FOXK1: variants seen among roughly 807,000 people sequenced by gnomAD.
The protein encoded by FOXK1 is forkhead box protein K1.
Under a neutral mutation model 51.9 loss-of-function variants are expected in FOXK1, and 19 were observed. That is an observed-to-expected ratio of 0.37 (90% CI 0.26 to 0.54). The LOEUF is 0.54. FOXK1 is among the 20% of genes least tolerant of loss of function. FOXK1 has a pLI of 0.87. For missense variants in FOXK1, 870 were observed against 1,032.7 expected (o/e 0.84, Z 2.16); for synonymous variants, 537 against 482.6 (o/e 1.11, Z -1.48).
At chr7:4,688,860 C>A (rs550436586) in intron 1 of FOXK1, among the ~76,000 whole-genome samples, 1 of 152,206 alleles carries the variant, frequency 6.6e-6, no homozygotes, top group South Asian at 2.1e-4. Flanking sequence ...TTTGCCAGAA[C>A]TGCCTTCTAG....
rs909328209 is a variant in FOXK1 at position 4,766,558 on chromosome 7, C to T, written c.*4094C>T. The T allele has an allele frequency of 1.3e-5, 2 of 152,266 alleles. No individual in the cohort carries two copies. The highest frequency in any genetic ancestry group is 4.8e-5 in the African/African-American group (2 of 41,472). 9.4% of individuals were successfully genotyped at this position (152,266 alleles called of 1,614,324 possible). A position where few individuals can be genotyped will look rare whatever the true frequency, so the allele number is the denominator to read the frequency against. The stretch of plus-strand genomic sequence containing the variant: ...AAGTGAAAAAGCTGGGAATGAATTT[C>T]TGAGTTGCTGAGTGTTCCCTGCTCC... On this transcript the variant is annotated 3_prime_UTR_variant, in exon 9 of 9. Transcript: ENST00000328914. The surrounding 1 kb of genome is among the most constrained non-coding windows in gnomAD (Gnocchi z 5.5).
In FOXK1 at chr7:4,732,155, G is replaced by A. The variant is rs992599907; in HGVS notation, c.561-8683G>A. On this transcript the variant is annotated intron_variant, in intron 1 of 8. Coordinates refer to ENST00000328914, the MANE Select transcript of FOXK1 (RefSeq NM_001037165.2). ...ATTCCCCCACGCCTCAGTATTTAGC[G>A]AGGGCTCCTTATGTGTGACACGCCC... Among the ~76,000 whole-genome samples, 5 of 152,216 alleles carry A rather than the reference G, an allele frequency of 3.3e-5. No individual in the cohort carries two copies. In the South Asian group the frequency reaches 8.3e-4, roughly 25 times the overall value.
chr7:4,724,418 A>G (rs1327225879), intron 1 of FOXK1, among the ~76,000 whole-genome samples: 1 of 149,650 alleles, frequency 6.7e-6, no homozygotes, highest in East Asian at 2.0e-4. Flanking sequence ...GTGGTCTCGA[A>G]CTCCTGTTCT....
In FOXK1 at chr7:4,755,257, C is replaced by T. The variant is rs761397266; in HGVS notation, c.924C>T (p.Phe308=). 3.1e-6 allele frequency: 5 copies of T among 1,614,000 alleles called. No homozygotes were observed. The highest frequency in any genetic ancestry group is 2.5e-6 in the Non-Finnish European group (3 of 1,180,030). ...DSPKDESKPP[F]SYAQLIVQAI... is the part of the protein sequence containing the mutation. ...CGCAGGATGAGTCAAAGCCGCCGTT[C>T]TCCTACGCGCAGCTGATCGTGCAGG... Residue 308 remains phenylalanine, a synonymous_variant, in exon 4 of 9, where the codon TTC becomes TTT. Coordinates refer to ENST00000328914, the MANE Select transcript of FOXK1 (RefSeq NM_001037165.2). This position sits in a 1 kb window ranked among gnomAD's most constrained non-coding sequence, Gnocchi z 6.6.
At chr7:4,750,537 G>C (rs1320641225) in intron 2 of FOXK1, among the ~76,000 whole-genome samples, 2 of 151,686 alleles carry the variant, frequency 1.3e-5, no homozygotes, top group Non-Finnish European at 2.9e-5. Flanking sequence ...CCGCCTCCCA[G>C]GTTCACGCCA....
In FOXK1 at chr7:4,682,377, A is replaced by T. The variant is rs112998729; in HGVS notation, c.69A>T (p.Pro23=). ...CGCTGCGCTCGGCGCCCTGCAGCCC[A>T]GTGCTGTGCGCCGCAGCCGCCGCCG... The part of the protein sequence containing the change: ...LLALRSAPCS[P]VLCAAAAAAA... The change falls in exon 1 of 9, where the codon CCA becomes CCT. Residue 23 remains proline (P), a synonymous_variant. Coordinates refer to ENST00000328914, the MANE Select transcript of FOXK1 (RefSeq NM_001037165.2). This position sits in a 1 kb window ranked among gnomAD's most constrained non-coding sequence, Gnocchi z 7.6. The T allele has an allele frequency of 1.0e-6, 1 of 982,652 alleles. No homozygotes were observed. The highest frequency in any genetic ancestry group is 1.1e-4 in the East Asian group (1 of 8,758). The allele number at this position is 982,652 out of a possible 1,614,324, so 60.9% of individuals were successfully genotyped here.
intron 1 of FOXK1, among the ~76,000 whole-genome samples, chr7:4,693,633 G>A (rs1425006497): frequency 2.6e-5 from 4 of 152,122 alleles, no homozygotes. Context: ...ACGGATATGG[G>A]TGTCCCCTCC....
rs1469442054 is a variant in FOXK1, at chr7:4,729,346, G to A, written c.561-11492G>A. Among the ~76,000 whole-genome samples, 4 of 152,182 alleles carry A rather than the reference G, an allele frequency of 2.6e-5. No homozygotes were observed. The East Asian group carries it at 7.7e-4, about 29-fold the overall frequency. On this transcript the variant is annotated intron_variant, in intron 1 of 8. Coordinates refer to ENST00000328914, the MANE Select transcript of FOXK1 (RefSeq NM_001037165.2). This position sits in a 1 kb window ranked among gnomAD's most constrained non-coding sequence, Gnocchi z 6.2. ...GTTTGGCCGTGTCAGTCATCTGGGG[G>A]TCCCTTAGCCTCCGCAGAGTAAAGC...
chr7:4,714,503 G>T (rs1388395535), intron 1 of FOXK1, among the ~76,000 whole-genome samples: 1 of 152,168 alleles, frequency 6.6e-6, no homozygotes, highest in Admixed American at 6.5e-5. Flanking sequence ...TCCAACTCCT[G>T]AGCTCAAGCT....
At position 4,767,575 on chromosome 7, in the gene FOXK1, T is replaced by C. The variant is rs1781031731; in HGVS notation, c.*5111T>C. The C allele has an allele frequency of 6.6e-6, 1 of 152,184 alleles. No individual in the cohort carries two copies. Among genetic ancestry groups the C allele is most frequent in the Non-Finnish European group, 1.5e-5 (1 of 68,048 alleles). 9.4% of individuals were successfully genotyped at this position (152,184 alleles called of 1,614,324 possible). On this transcript the variant is annotated 3_prime_UTR_variant, in exon 9 of 9. Coordinates refer to ENST00000328914, the MANE Select transcript of FOXK1 (RefSeq NM_001037165.2). This position sits in a 1 kb window ranked among gnomAD's most constrained non-coding sequence, Gnocchi z 6.6. ...TGTAGACGGGACTCAGCTCCAGAGGTTCCTGGGTAATGTATTGTGGCTCTT... is the reference window on the plus strand; with the variant it reads ...TGTAGACGGGACTCAGCTCCAGAGGCTCCTGGGTAATGTATTGTGGCTCTT...
At chr7:4,716,346 T>A (rs1262140643) in intron 1 of FOXK1, among the ~76,000 whole-genome samples, 3 of 151,660 alleles carry the variant, frequency 2.0e-5, no homozygotes, top group Non-Finnish European at 4.4e-5. Flanking sequence ...CAAAAAAAAA[T>A]TTTGTTGTGG....
In FOXK1 at chr7:4,743,777, A is replaced by G. The variant is rs911626415; in HGVS notation, c.746+2754A>G. On this transcript the variant is annotated intron_variant, in intron 2 of 8. Coordinates refer to ENST00000328914, the MANE Select transcript of FOXK1 (RefSeq NM_001037165.2). This position sits in a 1 kb window ranked among gnomAD's most constrained non-coding sequence, Gnocchi z 5.3. Reference sequence around the variant, plus strand: ...CCTCAGGTCCAGAGAGAAGCAGGCCAGGCAGCGATCCGGGGCTCCTGAGGA... The same window carrying G: ...CCTCAGGTCCAGAGAGAAGCAGGCCGGGCAGCGATCCGGGGCTCCTGAGGA... 1.3e-5 allele frequency among the ~76,000 whole-genome samples: 2 copies of G among 152,200 alleles called. No individual in the cohort carries two copies. The highest frequency in any genetic ancestry group is 4.8e-5 in the African/African-American group (2 of 41,450).
rs1031592885 is a variant in FOXK1, at chr7:4,761,601, C to T, written c.1921+313C>T. Among the ~76,000 whole-genome samples, 4 of 152,062 alleles carry T rather than the reference C, an allele frequency of 2.6e-5. No homozygotes were observed. The highest frequency in any genetic ancestry group is 1.9e-4 in the East Asian group (1 of 5,174). On this transcript the variant is annotated intron_variant, in intron 8 of 8. Coordinates refer to ENST00000328914, the MANE Select transcript of FOXK1 (RefSeq NM_001037165.2). The surrounding 1 kb of genome is among the most constrained non-coding windows in gnomAD (Gnocchi z 6.2). ...AAACTTAGCCAGGTGTGGTGTTGCA[C>T]GCTCATGGTCCCAGCTGCTTGGGAG...
At chr7:4,695,936 CAA>C (rs72005510) in intron 1 of FOXK1, among the ~76,000 whole-genome samples, 24 of 116,776 alleles carry the variant, frequency 2.1e-4, no homozygotes, top group Admixed American at 1.8e-4. Flanking sequence ...AACTCCGTCT[CAA>C]AAAAAAAAAA....
In FOXK1 at chr7:4,682,854, G is replaced by C; in HGVS notation, c.546G>C (p.Leu182=). Residue 182 remains leucine, a synonymous_variant, in exon 1 of 9, where the codon CTG becomes CTC. Transcript: ENST00000328914. This position sits in a 1 kb window ranked among gnomAD's most constrained non-coding sequence, Gnocchi z 7.6. The stretch of plus-strand genomic sequence containing the variant: ...TCCAGAGACGCGGCGCGCCCGCCCT[G>C]CAGCTGCCCAAGCAGTGAGTGGCCC... ...GAFQRRGAPA[L]QLPKQCTFRF... is the part of the protein sequence containing the mutation. The C allele has an allele frequency of 6.4e-7, 1 of 1,551,154 alleles. No individual in the cohort carries two copies. Among genetic ancestry groups the C allele is most frequent in the Non-Finnish European group, 8.7e-7 (1 of 1,154,112 alleles).
chr7:4,697,500 C>A (rs567562270), intron 1 of FOXK1, among the ~76,000 whole-genome samples: 30 of 152,308 alleles, frequency 2.0e-4, no homozygotes, highest in African/African-American at 7.2e-4. Context: ...ACCATGTGGA[C>A]CCCAGAGCCT....
intron 2 of FOXK1, among the ~76,000 whole-genome samples, chr7:4,746,174 G>A (rs1409449968): frequency 6.6e-6 from 1 of 152,196 alleles, no homozygotes; most frequent in Non-Finnish European, 1.5e-5. Flanking sequence ...TCAGCAGTAT[G>A]TAAATATACA....
In FOXK1 at chr7:4,769,068, T is replaced by C. The variant is rs1199970535; in HGVS notation, c.*6604T>C. On this transcript the variant is annotated 3_prime_UTR_variant, in exon 9 of 9. Transcript: ENST00000328914. The surrounding 1 kb of genome is among the most constrained non-coding windows in gnomAD (Gnocchi z 4.1). ...GGAAATTTTTTGTTTCTTCTACTCA[T>C]CCTAATGGCTGGTTTTGGCTGCCCG... 1 of 152,186 alleles carries C rather than the reference T, an allele frequency of 6.6e-6. No individual in the cohort carries two copies. The highest frequency in any genetic ancestry group is 2.4e-5 in the African/African-American group (1 of 41,428). 9.4% of individuals were successfully genotyped at this position (152,186 alleles called of 1,614,324 possible).
At chr7:4,698,898 G>A (rs764526570) in intron 1 of FOXK1, among the ~76,000 whole-genome samples, 1 of 152,158 alleles carries the variant, frequency 6.6e-6, no homozygotes, top group Non-Finnish European at 1.5e-5. Flanking sequence ...GTGTTGCCCA[G>A]GCTGGTCTCA....
Sources: gnomAD v4.1 joint callset for allele counts (sites outside exome capture counted in the v4.1 genomes callset) on GRCh38, gnomAD v4.1.1 for gene constraint, Gnocchi (gnomAD v3.1) non-coding constraint, MANE v1.5 for transcripts, NCBI Gene and HGNC (gene_info 2026-07-23, HGNC 2026-07-21) for gene names.